Variants in DNAH14 observed in about 807,000 individuals in gnomAD.
The protein encoded by DNAH14 is dynein axonemal heavy chain 14.
Under a neutral mutation model 520.9 loss-of-function variants are expected in DNAH14, and 478 were observed. The observed-to-expected ratio is 0.92, with a 90% confidence interval of 0.85 to 0.99. The LOEUF is 0.99. Ranked by LOEUF, DNAH14 falls within the 50% of genes least tolerant of loss-of-function variation. The pLI, the probability that DNAH14 is intolerant of heterozygous loss-of-function variation, is 0.00. For missense variants in DNAH14, 4,831 were observed against 5,234.5 expected (o/e 0.92, Z 2.38); for synonymous variants, 1,581 against 1,757.2 (o/e 0.90, Z 2.51).
chr1:225,065,832 G>A (rs1357047765), intron 17 of DNAH14, among the ~76,000 whole-genome samples: 21 of 152,050 alleles, frequency 1.4e-4, no homozygotes, highest in Non-Finnish European at 2.9e-4. Flanking sequence ...ACATGGAAGT[G>A]CAGACATCTC....
intron 21 of DNAH14, among the ~76,000 whole-genome samples, chr1:225,096,028 G>A (rs567156249): frequency 3.3e-5 from 5 of 152,268 alleles, no homozygotes; most frequent in African/African-American, 1.2e-4. Context: ...GTGCCGTGGT[G>A]CAGTCTCCAC....
At chr1:225,176,342 A>G (rs904563028) in intron 36 of DNAH14, among the ~76,000 whole-genome samples, 1 of 152,198 alleles carries the variant, frequency 6.6e-6, no homozygotes, top group African/African-American at 2.4e-5. Flanking sequence ...TTTTTCAAAA[A>G]TAGTGAAGAG....
intron 66 of DNAH14, among the ~76,000 whole-genome samples, chr1:225,336,783 G>A (rs745975616): frequency 1.3e-5 from 2 of 152,126 alleles, no homozygotes; most frequent in African/African-American, 2.4e-5. Context: ...AGTATCTAAC[G>A]TCTTTTAGCC....
chr1:225,389,931 C>T (rs2095884229), intron 83 of DNAH14, 58 bp downstream of exon 83: 25 of 1,470,148 alleles, frequency 1.7e-5, no homozygotes, highest in Non-Finnish European at 2.2e-5. Flanking sequence ...TGCACTCAGT[C>T]CTTCTGTCAC....
At chr1:225,064,883 A>G (rs1206499874) in intron 17 of DNAH14, among the ~76,000 whole-genome samples, 3 of 152,088 alleles carry the variant, frequency 2.0e-5, no homozygotes, top group East Asian at 1.9e-4. Context: ...ATCAAAATAA[A>G]CAATTAGCAT....
In DNAH14 at chr1:225,152,691, C is replaced by T; in HGVS notation, c.5010-6C>T. ...TTTTATTGTTTGTTTTTCTTTTCCT[C>T]TTCAGATACGGAGGTGGAGTAGAGC... On this transcript the variant is annotated splice_polypyrimidine_tract_variant and splice_region_variant and intron_variant, in intron 32 of 85. Transcript: ENST00000682510. 6.6e-7 allele frequency: 1 copy of T among 1,523,642 alleles called. No homozygotes were observed. Among genetic ancestry groups the T allele is most frequent in the Admixed American group, 2.3e-5 (1 of 43,268 alleles). 94.4% of individuals were successfully genotyped at this position (1,523,642 alleles called of 1,614,324 possible). A position where few individuals can be genotyped will look rare whatever the true frequency, so the allele number is the denominator to read the frequency against.
chr1:225,049,726 C>T (rs1380343001), intron 15 of DNAH14, among the ~76,000 whole-genome samples: 13 of 152,068 alleles, frequency 8.5e-5, no homozygotes, highest in South Asian at 8.3e-4. Flanking sequence ...TTTAATAAAG[C>T]GTAAAGTCTA....
intron 54 of DNAH14, among the ~76,000 whole-genome samples, chr1:225,286,162 G>C (rs570464992): frequency 3.4e-4 from 52 of 152,274 alleles, no homozygotes; most frequent in Admixed American, 1.1e-3. Flanking sequence ...GGGGAGAGGA[G>C]GGGAGAAAGG....
chr1:224,949,344 G>T (rs960617598), intron 1 of DNAH14, among the ~76,000 whole-genome samples: 15 of 152,006 alleles, frequency 9.9e-5, no homozygotes, highest in African/African-American at 3.6e-4. Context: ...GTGTGTGTGT[G>T]TATCCACATG....
chr1:225,212,032 A>G (rs1157238422), intron 41 of DNAH14, among the ~76,000 whole-genome samples: 2 of 148,378 alleles, frequency 1.3e-5, no homozygotes, highest in Admixed American at 6.7e-5. Flanking sequence ...CATTAGGTAT[A>G]TCTCCTAATG....
chr1:224,941,449 T>C (rs1348662977), intron 1 of DNAH14, among the ~76,000 whole-genome samples: 2 of 152,160 alleles, frequency 1.3e-5, no homozygotes, highest in Non-Finnish European at 2.9e-5. Context: ...ATTGCAAAAA[T>C]TTTCTCTCAT....
intron 35 of DNAH14, among the ~76,000 whole-genome samples, chr1:225,164,788 CA>C (rs1340123191): frequency 1.3e-5 from 2 of 152,080 alleles, no homozygotes; most frequent in African/African-American, 4.8e-5. Context: ...TGGTCTTCCC[CA>C]CACTTCCACT....
intron 36 of DNAH14, among the ~76,000 whole-genome samples, chr1:225,183,141 A>T (rs2084253329): frequency 6.6e-6 from 1 of 152,198 alleles, no homozygotes; most frequent in African/African-American, 2.4e-5. Flanking sequence ...AAACTAGAGT[A>T]CCAGAAGAGC....
At chr1:225,221,413 C>T (rs879345332) in intron 41 of DNAH14, among the ~76,000 whole-genome samples, 3 of 152,116 alleles carry the variant, frequency 2.0e-5, no homozygotes, top group African/African-American at 2.4e-5. Flanking sequence ...GTGCCTCTGA[C>T]AAAGGGCTAA....
chr1:225,048,053 G>A (rs1461853584), intron 15 of DNAH14, among the ~76,000 whole-genome samples: 1 of 152,138 alleles, frequency 6.6e-6, no homozygotes, highest in Admixed American at 6.5e-5. Flanking sequence ...CCCTTGTGCA[G>A]CCCTTTTGTA....
chr1:225,097,328 T>C, intron 22 of DNAH14, 89 bp downstream of exon 22: 1 of 1,259,458 alleles, frequency 7.9e-7, no homozygotes, highest in South Asian at 1.8e-5. Context: ...ATTTCTTCAA[T>C]GAACAAACTA....
In DNAH14 at chr1:225,282,428, A is replaced by G. The variant is rs188186273; in HGVS notation, c.8271+4926A>G. Reference sequence around the variant, plus strand: ...GTTATCAGAGCTTAGACCCTGTCCAATGCTGGAAAGGAAGCTTGAACAATT... The same window carrying G: ...GTTATCAGAGCTTAGACCCTGTCCAGTGCTGGAAAGGAAGCTTGAACAATT... On this transcript the variant is annotated intron_variant, in intron 54 of 85. Coordinates refer to ENST00000682510, the MANE Select transcript of DNAH14 (RefSeq NM_001367479.1). Among the ~76,000 whole-genome samples the G allele has an allele frequency of 1.6e-3, 240 of 152,322 alleles. 1 individual carries two copies. The highest frequency in any genetic ancestry group is 1.9e-3 in the Non-Finnish European group (126 of 68,024).
intron 17 of DNAH14, among the ~76,000 whole-genome samples, chr1:225,069,906 G>T (rs2071350169): frequency 6.6e-6 from 1 of 152,036 alleles, no homozygotes; most frequent in African/African-American, 2.4e-5. Flanking sequence ...TCTGTTCAGG[G>T]ATTCAATTTC....
Position 225,294,096 on chromosome 1 carries a change from G to A in DNAH14, c.8469+4014G>A, listed in dbSNP as rs140739585. Among the ~76,000 whole-genome samples, 187 of 152,196 alleles carry A rather than the reference G, an allele frequency of 1.2e-3. 1 individual carries two copies. Among genetic ancestry groups the A allele is most frequent in the Middle Eastern group, 0.01 (3 of 294 alleles). On this transcript the variant is annotated intron_variant, in intron 55 of 85. Coordinates refer to ENST00000682510, the MANE Select transcript of DNAH14 (RefSeq NM_001367479.1). ...GGGTTTGTCACATATGGCCTTTATT[G>A]TGTTGAGGTACTTTCCTTCAATAGC...
Sources: allele counts gnomAD v4.1 joint callset (sites outside exome capture counted in the v4.1 genomes callset), GRCh38; gene constraint gnomAD v4.1.1; transcripts MANE v1.5; gene names NCBI Gene and HGNC (gene_info 2026-07-23, HGNC 2026-07-21).